EPHA6: variants seen among roughly 807,000 people sequenced by gnomAD.
EPHA6 encodes ephrin type-A receptor 6.
A neutral mutation model predicts 112.0 loss-of-function variants in EPHA6; 50 were observed. The ratio of observed to expected loss-of-function variants is 0.45; its 90% CI spans 0.36 to 0.56. The LOEUF (loss-of-function observed/expected upper bound fraction) is 0.56, where lower values mean the gene tolerates loss of function less well. EPHA6 is among the 20% of genes least tolerant of loss of function. The pLI, the probability that EPHA6 is intolerant of heterozygous loss-of-function variation, is 0.00. For missense variants in EPHA6, 1,280 were observed against 1,417.4 expected, an observed-to-expected ratio of 0.90 and a Z score of 1.56; for synonymous variants, 529 against 490.7, an observed-to-expected ratio of 1.08 and a Z score of -1.03.
intron 6 of EPHA6, among the ~76,000 whole-genome samples, chr3:97,420,075 C>T (rs2088489575): frequency 6.6e-6 from 1 of 152,030 alleles, no homozygotes; most frequent in Admixed American, 6.5e-5. Flanking sequence ...ATGCATTTTT[C>T]ATGGGTCAAT....
At chr3:97,438,792 C>T (rs1269587995) in intron 6 of EPHA6, among the ~76,000 whole-genome samples, 1 of 152,124 alleles carries the variant, frequency 6.6e-6, no homozygotes, top group African/African-American at 2.4e-5. Flanking sequence ...CCTGCTGGAT[C>T]CTGTAAAACA....
At chr3:97,186,443 G>A (rs900888350) in intron 3 of EPHA6, among the ~76,000 whole-genome samples, 2 of 152,044 alleles carry the variant, frequency 1.3e-5, no homozygotes, top group East Asian at 1.9e-4. Context: ...TGATCTTGTT[G>A]AGATATGCCC....
intron 1 of EPHA6, among the ~76,000 whole-genome samples, chr3:96,834,019 A>AT (rs2034248457): frequency 6.6e-6 from 1 of 152,028 alleles, no homozygotes; most frequent in South Asian, 2.1e-4. Context: ...ATAATCTAAG[A>AT]TTTTAACTAT....
chr3:97,336,603 C>G (rs2083066074), intron 5 of EPHA6, among the ~76,000 whole-genome samples: 1 of 152,140 alleles, frequency 6.6e-6, no homozygotes, highest in Non-Finnish European at 1.5e-5. Context: ...TTTAGAAAGA[C>G]AAGTGCAGTC....
intron 13 of EPHA6, among the ~76,000 whole-genome samples, chr3:97,620,384 A>C (rs948449510): frequency 2.0e-5 from 3 of 152,086 alleles, no homozygotes; most frequent in Non-Finnish European, 2.9e-5. Flanking sequence ...GAAGACACCA[A>C]AATAATTGCA....
At chr3:97,504,364 G>A (rs967550109) in intron 10 of EPHA6, among the ~76,000 whole-genome samples, 8 of 152,276 alleles carry the variant, frequency 5.3e-5, no homozygotes, top group Middle Eastern at 3.4e-3. Flanking sequence ...AGTGGTTGCC[G>A]TTTTTACAGT....
At chr3:97,005,569 C>T (rs2043846322) in intron 3 of EPHA6, among the ~76,000 whole-genome samples, 1 of 152,144 alleles carries the variant, frequency 6.6e-6, no homozygotes, top group South Asian at 2.1e-4. Context: ...CAAACAGAGA[C>T]AGCTTGACTT....
intron 2 of EPHA6, among the ~76,000 whole-genome samples, chr3:96,933,683 A>G (rs2040445137): frequency 2.0e-5 from 3 of 152,174 alleles, no homozygotes; most frequent in Admixed American, 2.0e-4. Flanking sequence ...TTAGGATTTG[A>G]GAGTTTCTTA....
chr3:97,150,980 C>T (rs773286551), intron 3 of EPHA6, among the ~76,000 whole-genome samples: 15 of 152,080 alleles, frequency 9.9e-5, no homozygotes, highest in Non-Finnish European at 5.9e-5. Flanking sequence ...CTATTTACTA[C>T]TTAGGCACTT....
At chr3:97,168,982 A>G (rs1356244023) in intron 3 of EPHA6, among the ~76,000 whole-genome samples, 1 of 152,152 alleles carries the variant, frequency 6.6e-6, no homozygotes, top group African/African-American at 2.4e-5. Context: ...GCAGTGTGAT[A>G]ATGGACTAAT....
At chr3:96,963,679 T>C (rs1397830589) in intron 2 of EPHA6, among the ~76,000 whole-genome samples, 1 of 152,188 alleles carries the variant, frequency 6.6e-6, no homozygotes, top group East Asian at 1.9e-4. Context: ...TGTCTCCTGC[T>C]AATTAAACAA....
At chr3:97,478,363 ATAAGTATTGCCTAATAAAC>A (rs1478018160) in intron 8 of EPHA6, among the ~76,000 whole-genome samples, 2 of 152,148 alleles carry the variant, frequency 1.3e-5, no homozygotes, top group Non-Finnish European at 2.9e-5. Context: ...TGCAGGCTAA[ATAAGTATTGCCTAATAAAC>A]TTGAGAGTTG....
intron 3 of EPHA6, among the ~76,000 whole-genome samples, chr3:97,005,360 A>G (rs1339686499): frequency 2.0e-5 from 3 of 151,892 alleles, no homozygotes; most frequent in African/African-American, 7.3e-5. Flanking sequence ...TCCTAGGTAT[A>G]TTATTCTCTT....
At chr3:96,894,192 A>G (rs1390939107) in intron 2 of EPHA6, among the ~76,000 whole-genome samples, 2 of 152,178 alleles carry the variant, frequency 1.3e-5, no homozygotes, top group African/African-American at 4.8e-5. Context: ...TGTCAGTAAG[A>G]ACACACTGCC....
chr3:97,635,313 T>C (rs1383834663), intron 13 of EPHA6, among the ~76,000 whole-genome samples: 1 of 152,094 alleles, frequency 6.6e-6, no homozygotes, highest in Non-Finnish European at 1.5e-5. Flanking sequence ...ACCATGATGA[T>C]TGAAATGAAA....
At chr3:97,582,281 G>A (rs183686560) in intron 11 of EPHA6, among the ~76,000 whole-genome samples, 41 of 152,184 alleles carry the variant, frequency 2.7e-4, no homozygotes, top group African/African-American at 5.8e-4. Context: ...TGCCCACCTC[G>A]GCTTCCCAAA....
chr3:97,626,228 G>C (rs1350904819), intron 13 of EPHA6, among the ~76,000 whole-genome samples: 1 of 151,774 alleles, frequency 6.6e-6, no homozygotes, highest in Non-Finnish European at 1.5e-5. Context: ...CTTTTGGCCT[G>C]TTGGCCCAGT....
At chr3:97,337,122 A>G (rs1006100006) in intron 5 of EPHA6, among the ~76,000 whole-genome samples, 6 of 152,176 alleles carry the variant, frequency 3.9e-5, no homozygotes, top group African/African-American at 9.7e-5. Flanking sequence ...GAACCATATC[A>G]TGTATGAGTT....
intron 16 of EPHA6, among the ~76,000 whole-genome samples, chr3:97,743,963 T>C (rs1283619167): frequency 4.6e-5 from 7 of 152,018 alleles, no homozygotes; most frequent in Admixed American, 2.0e-4. Context: ...CTAGTACTAT[T>C]GTGAACTCAA....
Sources: gnomAD v4.1 joint callset for allele counts (sites outside exome capture counted in the v4.1 genomes callset) on GRCh38, gnomAD v4.1.1 for gene constraint, MANE v1.5 for transcripts, NCBI Gene and HGNC (gene_info 2026-07-23, HGNC 2026-07-21) for gene names.